The following CNTNAP2 variants were observed in gnomAD, a reference collection of about 807,000 sequenced individuals.
CNTNAP2 encodes the protein contactin associated protein 2, also known as contactin-associated protein-like 2.
CNTNAP2 carries 98 observed loss-of-function variants against 155.2 expected under a neutral mutation model. The observed-to-expected ratio is 0.63, with a 90% CI of 0.54 to 0.75. CNTNAP2 has a LOEUF of 0.75. CNTNAP2 is among the 30% of genes least tolerant of loss of function. The pLI is 0.00. For synonymous variants in CNTNAP2, 651 were observed against 631.2 expected (o/e 1.03, Z -0.47); for missense variants, 1,727 against 1,688.1 (o/e 1.02, Z -0.40).
chr7:148,414,936 TATGTGCAGATTA>T, intron 23 of CNTNAP2: 1 of 221,136 alleles, frequency 4.5e-6, no homozygotes, highest in Non-Finnish European at 9.1e-6. Flanking sequence ...CAGAGAGACT[TATGTGCAGATTA>T]TTAGGGTTCT....
At chr7:147,262,207 C>T (rs1005623099) in intron 8 of CNTNAP2, among the ~76,000 whole-genome samples, 3 of 152,268 alleles carry the variant, frequency 2.0e-5, no homozygotes, top group East Asian at 1.9e-4. Flanking sequence ...TTACAACACA[C>T]TTTGAAACGT....
intron 4 of CNTNAP2, among the ~76,000 whole-genome samples, chr7:147,067,469 C>A (rs981452508): frequency 7.2e-5 from 11 of 152,004 alleles, no homozygotes; most frequent in African/African-American, 2.7e-4. Flanking sequence ...CTACTAAACT[C>A]AAAAAACTGT....
At chr7:147,396,164 T>C (rs962621431) in intron 10 of CNTNAP2, among the ~76,000 whole-genome samples, 1 of 111,228 alleles carries the variant, frequency 9.0e-6, no homozygotes, top group Non-Finnish European at 1.7e-5. Flanking sequence ...ATATGAGATA[T>C]ATCATATATA....
chr7:146,715,679 TTTATC>T (rs985373925), intron 1 of CNTNAP2, among the ~76,000 whole-genome samples: 38 of 152,296 alleles, frequency 2.5e-4, no homozygotes, highest in African/African-American at 8.2e-4. Context: ...CTAATATAGT[TTTATC>T]TAGCTACAGT....
chr7:146,390,649 T>C (rs1240654546), intron 1 of CNTNAP2, among the ~76,000 whole-genome samples: 1 of 149,510 alleles, frequency 6.7e-6, no homozygotes, highest in African/African-American at 2.4e-5. Context: ...ATATATTTTT[T>C]CATGAAATAA....
At chr7:147,816,356 G>A (rs1378598429) in intron 13 of CNTNAP2, among the ~76,000 whole-genome samples, 2 of 152,062 alleles carry the variant, frequency 1.3e-5, no homozygotes, top group African/African-American at 2.4e-5. Context: ...TAGCAAAGAC[G>A]GGTATGTACG....
At chr7:146,430,693 G>T (rs1374974833) in intron 1 of CNTNAP2, among the ~76,000 whole-genome samples, 1 of 151,972 alleles carries the variant, frequency 6.6e-6, no homozygotes, top group African/African-American at 2.4e-5. Flanking sequence ...GAAATACAGG[G>T]TGATTACCAA....
At chr7:146,501,945 C>A (rs1797306281) in intron 1 of CNTNAP2, among the ~76,000 whole-genome samples, 1 of 151,984 alleles carries the variant, frequency 6.6e-6, no homozygotes, top group Non-Finnish European at 1.5e-5. Flanking sequence ...GAAGCTGAAA[C>A]AAACAAGGAG....
intron 13 of CNTNAP2, among the ~76,000 whole-genome samples, chr7:147,880,048 C>G (rs1799492418): frequency 6.6e-6 from 1 of 152,220 alleles, no homozygotes; most frequent in African/African-American, 2.4e-5. Context: ...CCTAGACAGA[C>G]TAAAACCTTT....
chr7:146,834,598 A>C (rs1005293151), intron 2 of CNTNAP2, among the ~76,000 whole-genome samples: 2 of 152,192 alleles, frequency 1.3e-5, no homozygotes, highest in Non-Finnish European at 2.9e-5. Context: ...CGAGACTAGC[A>C]AGAGTTCCAT....
chr7:148,201,789 C>G (rs1795374979), intron 18 of CNTNAP2, among the ~76,000 whole-genome samples: 1 of 151,956 alleles, frequency 6.6e-6, no homozygotes, highest in Admixed American at 6.6e-5. Flanking sequence ...GAAACATTTG[C>G]AGGCATTTCA....
At chr7:147,353,982 GT>G (rs144161622) in intron 9 of CNTNAP2, among the ~76,000 whole-genome samples, 56,380 of 150,798 alleles carry the variant, frequency 0.37, 11,000 homozygotes, top group East Asian at 0.67. Flanking sequence ...ACTTTTTGAT[GT>G]TTTTTTTTTT....
chr7:147,052,100 T>C (rs546515268), intron 4 of CNTNAP2, among the ~76,000 whole-genome samples: 14 of 152,260 alleles, frequency 9.2e-5, no homozygotes, highest in African/African-American at 3.4e-4. Flanking sequence ...ACCAATCTTT[T>C]TTATCTTTCA....
chr7:146,342,566 G>T (rs937641589), intron 1 of CNTNAP2, among the ~76,000 whole-genome samples: 5 of 152,016 alleles, frequency 3.3e-5, no homozygotes, highest in African/African-American at 1.2e-4. Context: ...CTAATTAAGG[G>T]TAAAAAACTT....
At position 146,215,579 on chromosome 7, in the gene CNTNAP2, C is replaced by A. The variant is rs527332688; in HGVS notation, c.97+98606C>A. On this transcript the variant is annotated intron_variant, in intron 1 of 23. Transcript: ENST00000361727. The stretch of plus-strand genomic sequence containing the variant: ...GAAAGAGGGTTCGCCTTATGAAAAA[C>A]CATATATATTTTTATATCTATATTA... Among the ~76,000 whole-genome samples the A allele has an allele frequency of 9.9e-5, 15 of 151,414 alleles. No individual in the cohort carries two copies. In the South Asian group the frequency reaches 2.9e-3, roughly 29 times the overall value.
At chr7:147,016,882 G>A (rs1798733766) in intron 3 of CNTNAP2, among the ~76,000 whole-genome samples, 1 of 151,944 alleles carries the variant, frequency 6.6e-6, no homozygotes, top group Non-Finnish European at 1.5e-5. Flanking sequence ...AGAAAGACAG[G>A]CCTACTGTGA....
rs575238052 is a variant in CNTNAP2 at position 147,573,346 on chromosome 7, A to G, written c.1897+11089A>G. On this transcript the variant is annotated intron_variant, in intron 12 of 23. Transcript: ENST00000361727. The stretch of plus-strand genomic sequence containing the variant: ...GTTTTTACTCAGATTTCTGAACAAA[A>G]TCAGCATTAAAAAGTGAGATTAGGC... 3.3e-5 allele frequency among the ~76,000 whole-genome samples: 5 copies of G among 152,342 alleles called. No homozygotes were observed. The East Asian group carries it at 9.6e-4, about 29-fold the overall frequency.
Position 147,102,267 on chromosome 7 carries a change from GTA to G in CNTNAP2, c.551-5879_551-5878del, listed in dbSNP as rs775977525. Among the ~76,000 whole-genome samples the G allele has an allele frequency of 3.0e-3, 299 of 101,018 alleles. 1 individual carries two copies. Among genetic ancestry groups the G allele is most frequent in the Admixed American group, 4.7e-3 (52 of 11,064 alleles). 66.3% of individuals were successfully genotyped at this position (101,018 alleles called of 152,430 possible). Reference sequence around the variant, plus strand: ...TCACAGGTCTTGGAAGTCGCTAAATGTAGGTAGGCAAAAAGAAAAAAAAAAAA... The same window carrying G: ...TCACAGGTCTTGGAAGTCGCTAAATGGGTAGGCAAAAAGAAAAAAAAAAAA... On this transcript the variant is annotated intron_variant, in intron 4 of 23. Coordinates refer to ENST00000361727, the MANE Select transcript of CNTNAP2 (RefSeq NM_014141.6).
chr7:147,612,473 T>A (rs1801206376), intron 12 of CNTNAP2, among the ~76,000 whole-genome samples: 1 of 150,394 alleles, frequency 6.6e-6, no homozygotes, highest in Non-Finnish European at 1.5e-5. Flanking sequence ...TGATCTCGGC[T>A]CACCACAACC....
Sources: gnomAD v4.1 joint callset for allele counts (sites outside exome capture counted in the v4.1 genomes callset) on GRCh38, gnomAD v4.1.1 for gene constraint, MANE v1.5 for transcripts, NCBI Gene and HGNC (gene_info 2026-07-23, HGNC 2026-07-21) for gene names.